Variants in TFAP2D observed in about 807,000 individuals in gnomAD.
The protein encoded by TFAP2D is transcription factor AP-2 delta, also known as transcription factor AP-2-delta.
In TFAP2D, 9 loss-of-function variants were observed where a neutral mutation model predicts 43.6. That is an observed-to-expected ratio of 0.21 (90% CI 0.12 to 0.36). The LOEUF (loss-of-function observed/expected upper bound fraction) is 0.36. Ranked by LOEUF, TFAP2D falls within the 10% of genes least tolerant of loss-of-function variation. The pLI, the probability that TFAP2D is intolerant of heterozygous loss-of-function variation, is 1.00. For missense variants in TFAP2D, 513 were observed against 561.4 expected, an observed-to-expected ratio of 0.91 and a Z score of 0.87; for synonymous variants, 256 against 224.9, an observed-to-expected ratio of 1.14 and a Z score of -1.24.
At chr6:50,767,925 A>G (rs965369312) in intron 7 of TFAP2D, among the ~76,000 whole-genome samples, 3 of 152,194 alleles carry the variant, frequency 2.0e-5, no homozygotes, top group African/African-American at 7.2e-5. Context: ...ACACAATGCA[A>G]GTTGTCTCCA....
At chr6:50,761,809 T>C (rs998483177) in intron 7 of TFAP2D, among the ~76,000 whole-genome samples, 9 of 152,078 alleles carry the variant, frequency 5.9e-5, no homozygotes, top group Non-Finnish European at 1.0e-4. Flanking sequence ...GAAAGTAAAA[T>C]AGCTCTTATT....
chr6:50,747,124 G>A (rs970333521), intron 6 of TFAP2D, among the ~76,000 whole-genome samples: 1 of 152,068 alleles, frequency 6.6e-6, no homozygotes, highest in African/African-American at 2.4e-5. Context: ...TGCATATTTT[G>A]TCTTCTGGGA....
chr6:50,730,177 T>C (rs1274110542), intron 5 of TFAP2D, among the ~76,000 whole-genome samples: 5 of 152,158 alleles, frequency 3.3e-5, no homozygotes, highest in Non-Finnish European at 5.9e-5. Flanking sequence ...TAGGAAGTAG[T>C]GAATGAAGCA....
chr6:50,757,442 ATACT>A (rs1286430131), intron 7 of TFAP2D, among the ~76,000 whole-genome samples: 1 of 102,866 alleles, frequency 9.7e-6, no homozygotes. Flanking sequence ...TAGAATATAT[ATACT>A]TATTCTATAT....
At chr6:50,758,048 G>A (rs1055716282) in intron 7 of TFAP2D, among the ~76,000 whole-genome samples, 6 of 150,784 alleles carry the variant, frequency 4.0e-5, no homozygotes, top group East Asian at 2.0e-4. Context: ...TCATTCTCAG[G>A]GCCATGATGT....
chr6:50,727,838 A>G (rs1197340844), intron 3 of TFAP2D, among the ~76,000 whole-genome samples: 1 of 152,190 alleles, frequency 6.6e-6, no homozygotes, highest in South Asian at 2.1e-4. Context: ...CTGTATAGTC[A>G]CCATGCTAGC....
chr6:50,719,249 T>A, intron 3 of TFAP2D, 99 bp downstream of exon 3: 1 of 1,225,180 alleles, frequency 8.2e-7, no homozygotes, highest in Non-Finnish European at 1.2e-6. Flanking sequence ...TTTCTGATGA[T>A]TAAGAAAACA....
In TFAP2D at chr6:50,715,589, C is replaced by A. The variant is rs772755261; in HGVS notation, c.513C>A (p.Ala171=). ...TGCCAGGGCCCAGCCTGGGGCTGGC[C>A]GCCGCGGGAGCAGACGACTTGCAGG... The part of the protein sequence containing the change: ...RLLPGPSLGL[A]AAGADDLQGS... The change falls in exon 2 of 8, where the codon GCC becomes GCA. Residue 171 remains alanine (A), a synonymous_variant. Transcript: ENST00000008391. 2 of 1,597,920 alleles carry A rather than the reference C, an allele frequency of 1.3e-6. No individual in the cohort carries two copies. Among genetic ancestry groups the A allele is most frequent in the Non-Finnish European group, 1.7e-6 (2 of 1,171,092 alleles).
At chr6:50,730,369 C>G (rs1768869224) in intron 5 of TFAP2D, among the ~76,000 whole-genome samples, 1 of 152,100 alleles carries the variant, frequency 6.6e-6, no homozygotes, top group Admixed American at 6.6e-5. Context: ...ACAACAATAA[C>G]ACTGACAACT....
intron 7 of TFAP2D, 145 bp from the exon 8 acceptor site, chr6:50,772,500 T>G: frequency 1.4e-6 from 1 of 723,252 alleles, no homozygotes; most frequent in African/African-American, 1.8e-5. Context: ...TCAACTGTGT[T>G]GTATCTTCCA....
intron 7 of TFAP2D, among the ~76,000 whole-genome samples, chr6:50,764,696 C>T (rs1163319838): frequency 6.6e-6 from 1 of 152,184 alleles, no homozygotes; most frequent in African/African-American, 2.4e-5. Flanking sequence ...TGACTAATAC[C>T]TAACTGCTGG....
intron 7 of TFAP2D, among the ~76,000 whole-genome samples, chr6:50,770,520 C>A (rs1769512786): frequency 5.3e-5 from 8 of 151,920 alleles, no homozygotes; most frequent in Admixed American, 5.3e-4. Context: ...TACCCTCTAC[C>A]CAGAAAATAT....
At chr6:50,744,449 AG>A (rs1222382797) in intron 5 of TFAP2D, among the ~76,000 whole-genome samples, 1 of 151,164 alleles carries the variant, frequency 6.6e-6, no homozygotes, top group Non-Finnish European at 1.5e-5. Flanking sequence ...TTTAAATAAA[AG>A]TTTAGTGGAC....
At chr6:50,716,428 G>GA (rs910621424) in intron 2 of TFAP2D, among the ~76,000 whole-genome samples, 1 of 150,662 alleles carries the variant, frequency 6.6e-6, no homozygotes, top group African/African-American at 2.4e-5. Flanking sequence ...ATGAAAGAGG[G>GA]AAAAAATAAA....
chr6:50,745,204 A>T lies in TFAP2D; in HGVS notation c.981A>T (p.Glu327Asp), dbSNP rs753475488. The part of the protein sequence containing the change: ...VGEHLARQHM[E>D]QKEQTARKKM... ...AACATCTTGCCAGACAACATATGGA[A>T]CAGAAAGAACAGACAGCAAGAAAAA... Residue 327 changes from glutamate (E) to aspartate (D), a missense_variant, in exon 6 of 8, where the codon GAA becomes GAT. By Grantham distance (45) the Glu-to-Asp change is conservative. This residue lies in a region of TFAP2D where 199 missense variants were observed against 227.9 expected (regional missense o/e 0.87). Transcript: ENST00000008391. The T allele has an allele frequency of 6.2e-7, 1 of 1,613,732 alleles. No homozygotes were observed. Among genetic ancestry groups the T allele is most frequent in the South Asian group, 1.1e-5 (1 of 91,062 alleles).
chr6:50,757,238 A>G (rs1480755025), intron 7 of TFAP2D, among the ~76,000 whole-genome samples: 3 of 147,788 alleles, frequency 2.0e-5, no homozygotes, highest in Non-Finnish European at 3.0e-5. Flanking sequence ...TAAAGTGGAG[A>G]ATAATTATAT....
chr6:50,729,253 A>G lies in TFAP2D; in HGVS notation c.824A>G (p.Asn275Ser). The change falls in exon 5 of 8, where the codon AAC becomes AGC. Residue 275 changes from asparagine (N) to serine (S), a missense_variant. Asn to Ser is a conservative substitution (Grantham distance 46, BLOSUM62 1). This residue lies in a region of TFAP2D where 199 missense variants were observed against 227.9 expected (regional missense o/e 0.87). Transcript: ENST00000008391. ...GAGAAATTGGATAGGCTTGGCTTAA[A>G]CTTACCAGCAGGAAGACGGAAAGCA... ...LREKLDRLGL[N>S]LPAGRRKAAN... 6.2e-7 allele frequency: 1 copy of G among 1,613,988 alleles called. No individual in the cohort carries two copies. Among genetic ancestry groups the G allele is most frequent in the East Asian group, 2.2e-5 (1 of 44,882 alleles).
chr6:50,754,966 G>C (rs1041917261), intron 7 of TFAP2D, among the ~76,000 whole-genome samples: 1 of 151,612 alleles, frequency 6.6e-6, no homozygotes, highest in Non-Finnish European at 1.5e-5. Context: ...TTTTGATGTC[G>C]TTTAATTTGT....
At chr6:50,753,205 A>C (rs2113887135) in intron 7 of TFAP2D, among the ~76,000 whole-genome samples, 1 of 152,056 alleles carries the variant, frequency 6.6e-6, no homozygotes, top group East Asian at 1.9e-4. Flanking sequence ...TACTCTGAGA[A>C]GGAGCATACT....
Sources: gnomAD v4.1 joint callset for allele counts (sites outside exome capture counted in the v4.1 genomes callset) on GRCh38, gnomAD v4.1.1 for gene constraint, gnomAD v4.1.1 regional missense constraint, MANE v1.5 for transcripts, NCBI Gene and HGNC (gene_info 2026-07-23, HGNC 2026-07-21) for gene names.